CFAP144: variants seen among roughly 807,000 people sequenced by gnomAD.
CFAP144 encodes cilia- and flagella-associated protein 144.
chr1:43,152,812 A>G, the CFAP144 span: 20 of 1,599,608 alleles, frequency 1.3e-5, no homozygotes, highest in South Asian at 1.9e-4. Context: ...TTCATAACTC[A>G]TACCTCGTCT....
At chr1:43,152,209 T>A in the CFAP144 span, among the ~76,000 whole-genome samples, 1 of 152,178 alleles carries the variant, frequency 6.6e-6, no homozygotes, top group Non-Finnish European at 1.5e-5. Flanking sequence ...GGCAGAACTA[T>A]GGAGCTGCAA....
At chr1:43,145,136 T>G in the CFAP144 span, 23 of 794,702 alleles carry the variant, frequency 2.9e-5, no homozygotes, top group Non-Finnish European at 4.7e-5. Flanking sequence ...GTTTGCTCCT[T>G]TCCTCTCATG....
chr1:43,148,983 G>T, the CFAP144 span, among the ~76,000 whole-genome samples: 5 of 152,066 alleles, frequency 3.3e-5, no homozygotes, highest in African/African-American at 1.2e-4. Flanking sequence ...ACCTCAAACA[G>T]CCTCTGCCTG....
At chr1:43,155,623 A>G in the CFAP144 span, among the ~76,000 whole-genome samples, 1 of 152,224 alleles carries the variant, frequency 6.6e-6, no homozygotes, top group Non-Finnish European at 1.5e-5. Flanking sequence ...AGAGGTAATT[A>G]AGTTGGAGCT....
the CFAP144 span, among the ~76,000 whole-genome samples, chr1:43,149,866 A>T: frequency 2.0e-5 from 3 of 152,306 alleles, no homozygotes; most frequent in South Asian, 6.2e-4. Flanking sequence ...TACTGATAGG[A>T]GTTTGAGACA....
chr1:43,156,123 T>A, the CFAP144 span: 1 of 1,119,556 alleles, frequency 8.9e-7, no homozygotes, highest in South Asian at 1.2e-5. Flanking sequence ...TGGAGCCTGA[T>A]ATAAGCCAGG....
the CFAP144 span, chr1:43,152,903 AG>A: frequency 6.2e-7 from 1 of 1,613,468 alleles, no homozygotes; most frequent in South Asian, 1.1e-5. Flanking sequence ...ACTGAAAACC[AG>A]GAAGTTGGAT....
At chr1:43,150,656 T>C in the CFAP144 span, 1 of 928,190 alleles carries the variant, frequency 1.1e-6, no homozygotes, top group Non-Finnish European at 1.7e-6. Flanking sequence ...ATGTACCAGA[T>C]ACTCAGTGAG....
At chr1:43,145,106 A>G in the CFAP144 span, 1 of 661,078 alleles carries the variant, frequency 1.5e-6, no homozygotes. Flanking sequence ...CAGATGCCAG[A>G]GATTTCCTTT....
chr1:43,154,395 T>C, the CFAP144 span, among the ~76,000 whole-genome samples: 1 of 85,168 alleles, frequency 1.2e-5, no homozygotes, highest in Non-Finnish European at 1.8e-5. Flanking sequence ...TACACACACA[T>C]ATATGTATAC....
chr1:43,146,907 G>A, the CFAP144 span, among the ~76,000 whole-genome samples: 5 of 152,120 alleles, frequency 3.3e-5, no homozygotes, highest in African/African-American at 7.2e-5. Flanking sequence ...GTGCAGTGGC[G>A]CAATCTTGGC....
chr1:43,153,147 C>T, the CFAP144 span, among the ~76,000 whole-genome samples: 1 of 152,090 alleles, frequency 6.6e-6, no homozygotes, highest in Admixed American at 6.5e-5. Flanking sequence ...GAGGATGAAA[C>T]GAGGTGATAT....
chr1:43,154,962 G>A, the CFAP144 span, among the ~76,000 whole-genome samples: 1 of 152,200 alleles, frequency 6.6e-6, no homozygotes, highest in Admixed American at 6.5e-5. Context: ...ACATCACTTG[G>A]AGAGTGGTGG....
At chr1:43,154,892 C>A in the CFAP144 span, among the ~76,000 whole-genome samples, 28 of 152,214 alleles carry the variant, frequency 1.8e-4, no homozygotes, top group African/African-American at 6.5e-4. Flanking sequence ...GGGATAAGGG[C>A]AGATTCTGGC....
the CFAP144 span, chr1:43,148,168 C>A: frequency 7.0e-7 from 1 of 1,436,036 alleles, no homozygotes; most frequent in South Asian, 1.3e-5. Flanking sequence ...GGGGTGGGAA[C>A]GCGGTCCCAG....
At chr1:43,152,799 T>G in the CFAP144 span, 1 of 1,575,134 alleles carries the variant, frequency 6.3e-7, no homozygotes, top group Non-Finnish European at 8.7e-7. Flanking sequence ...AAAGCCTGAC[T>G]CCTTCATAAC....
At chr1:43,146,336 C>A in the CFAP144 span, among the ~76,000 whole-genome samples, 2 of 152,146 alleles carry the variant, frequency 1.3e-5, no homozygotes, top group Non-Finnish European at 2.9e-5. Flanking sequence ...TTATCTAATT[C>A]TTGCTCTCTT....
the CFAP144 span, among the ~76,000 whole-genome samples, chr1:43,147,515 A>G: frequency 2.6e-5 from 4 of 152,034 alleles, no homozygotes; most frequent in Non-Finnish European, 5.9e-5. Context: ...TTTTTTTGTG[A>G]GGTTTTGATT....
the CFAP144 span, among the ~76,000 whole-genome samples, chr1:43,143,606 G>A: frequency 1.3e-5 from 2 of 152,172 alleles, no homozygotes; most frequent in African/African-American, 4.8e-5. Context: ...TATCTGACAT[G>A]GAGACAGGCA....
Sources: gnomAD v4.1 joint callset for allele counts (sites outside exome capture counted in the v4.1 genomes callset) on GRCh38, gnomAD v4.1.1 for gene constraint, MANE v1.5 for transcripts, NCBI Gene and HGNC (gene_info 2026-07-23, HGNC 2026-07-21) for gene names.